Variants in CAPZB observed in about 807,000 individuals in gnomAD.
CAPZB encodes the protein F-actin-capping protein subunit beta.
Under a neutral mutation model 38.1 loss-of-function variants are expected in CAPZB, and 2 were observed. The observed-to-expected ratio is 0.05, with a 90% CI of 0.02 to 0.17. CAPZB has a LOEUF of 0.17. Among genes scored for constraint, CAPZB ranks in the 10% least tolerant of loss-of-function variants. The pLI, the probability that CAPZB is intolerant of heterozygous loss-of-function variation, is 1.00. For missense variants in CAPZB, 161 were observed against 334.2 expected (o/e 0.48, Z 4.04); for synonymous variants, 107 against 127.4 (o/e 0.84, Z 1.08).
chr1:19,415,553 T>C (rs990046494), intron 2 of CAPZB, among the ~76,000 whole-genome samples: 1 of 152,182 alleles, frequency 6.6e-6, no homozygotes, highest in Non-Finnish European at 1.5e-5. Context: ...ACACTGGCAG[T>C]GATGAAAATA....
rs1553268760 is a variant in CAPZB, at chr1:19,356,315, A to ACAGGGC, written c.588+319_588+320insGCCCTG. On this transcript the variant is annotated intron_variant, in intron 6 of 8. Transcript: ENST00000264202. This position sits in a 1 kb window ranked among gnomAD's most constrained non-coding sequence, Gnocchi z 4.3. ...GCTGGGCATGGCCACAGAGACGGCA[A>ACAGGGC]ACAGGGCCAAGCACCACTTCTCACA... Among the ~76,000 whole-genome samples, 7 of 151,434 alleles carry ACAGGGC rather than the reference A, an allele frequency of 4.6e-5. No individual in the cohort carries two copies. The East Asian group carries it at 1.4e-3, about 30-fold the overall frequency.
At chr1:19,368,168 C>A (rs1184029900) in intron 4 of CAPZB, among the ~76,000 whole-genome samples, 1 of 152,152 alleles carries the variant, frequency 6.6e-6, no homozygotes. Flanking sequence ...AAGCAGGGAT[C>A]TGGGAGTAGA....
chr1:19,353,716 A>G (rs562631040), intron 6 of CAPZB, among the ~76,000 whole-genome samples: 2 of 152,332 alleles, frequency 1.3e-5, no homozygotes, highest in African/African-American at 4.8e-5. Context: ...AGAAACCTCA[A>G]AGCCCTCCTG....
At chr1:19,423,516 C>CTTTTTT (rs11340496) in intron 1 of CAPZB, among the ~76,000 whole-genome samples, 3 of 113,264 alleles carry the variant, frequency 2.6e-5, no homozygotes, top group Non-Finnish European at 5.1e-5. Flanking sequence ...AGTGAACATT[C>CTTTTTT]TTTTTTTTTT....
At chr1:19,459,543 C>A (rs2100731999) in intron 1 of CAPZB, among the ~76,000 whole-genome samples, 1 of 152,252 alleles carries the variant, frequency 6.6e-6, no homozygotes, top group Admixed American at 6.5e-5. Flanking sequence ...AGAATTTCTT[C>A]ATCCAAAAAA....
intron 4 of CAPZB, among the ~76,000 whole-genome samples, chr1:19,377,839 A>G (rs1292397077): frequency 1.3e-5 from 2 of 152,242 alleles, no homozygotes; most frequent in Admixed American, 1.3e-4. Flanking sequence ...TAGACGGAGC[A>G]GGAAGAAATC....
At chr1:19,475,237 G>A (rs568104623) in intron 1 of CAPZB, among the ~76,000 whole-genome samples, 224 of 152,228 alleles carry the variant, frequency 1.5e-3, no homozygotes, top group African/African-American at 5.2e-3. Context: ...CCATTTCTTA[G>A]ACAAGGAGAT....
intron 3 of CAPZB, among the ~76,000 whole-genome samples, chr1:19,385,214 G>A (rs557617906): frequency 3.9e-5 from 6 of 152,236 alleles, no homozygotes; most frequent in African/African-American, 9.6e-5. Context: ...TCCCTCTCCC[G>A]TTAGACTGGA....
chr1:19,388,872 A>C (rs996898909), intron 2 of CAPZB, among the ~76,000 whole-genome samples: 33 of 152,308 alleles, frequency 2.2e-4, no homozygotes, highest in African/African-American at 7.7e-4. Flanking sequence ...GTACTAACCA[A>C]CCCCAGAAAA....
At chr1:19,467,737 G>A (rs189296403) in intron 1 of CAPZB, among the ~76,000 whole-genome samples, 5 of 152,282 alleles carry the variant, frequency 3.3e-5, no homozygotes, top group African/African-American at 1.2e-4. Flanking sequence ...AGGCCAGAGG[G>A]CCCCCGAAAG....
intron 1 of CAPZB, among the ~76,000 whole-genome samples, chr1:19,427,184 C>T (rs2094425998): frequency 6.6e-6 from 1 of 152,190 alleles, no homozygotes; most frequent in Admixed American, 6.5e-5. Flanking sequence ...AAGACAGGCA[C>T]AGGCAGTAAC....
At chr1:19,466,059 C>T (rs7515104) in intron 1 of CAPZB, among the ~76,000 whole-genome samples, 8,464 of 152,224 alleles carry the variant, frequency 0.056, 428 homozygotes, top group African/African-American at 0.14. Flanking sequence ...AGTCTGGCCC[C>T]AGGAGCCCAG....
At chr1:19,349,288 G>A (rs1201447941) in intron 6 of CAPZB, among the ~76,000 whole-genome samples, 1 of 152,074 alleles carries the variant, frequency 6.6e-6, no homozygotes, top group East Asian at 1.9e-4. Flanking sequence ...ACTGTGCCTA[G>A]GCTCAGGGCT....
chr1:19,405,933 C>A (rs988187259), intron 2 of CAPZB, among the ~76,000 whole-genome samples: 1 of 152,226 alleles, frequency 6.6e-6, no homozygotes, highest in African/African-American at 2.4e-5. Flanking sequence ...CTCTCCTGTA[C>A]ACAAAGCCTC....
At chr1:19,419,306 C>T (rs4912088) in intron 2 of CAPZB, among the ~76,000 whole-genome samples, 113,891 of 152,172 alleles carry the variant, frequency 0.75, 42,903 homozygotes, top group East Asian at 0.85. Context: ...CAGAGACTGA[C>T]AGCGTCTGGC....
In CAPZB at chr1:19,441,059, C is replaced by CAAAACAA. The variant is rs369823083; in HGVS notation, c.4-21316_4-21310dup. Among the ~76,000 whole-genome samples the CAAAACAA allele has an allele frequency of 1.3e-4, 19 of 151,954 alleles. 1 individual carries two copies. The highest frequency in any genetic ancestry group is 3.6e-4 in the African/African-American group (15 of 41,428). On this transcript the variant is annotated intron_variant, in intron 1 of 8. Transcript: ENST00000264202. ...TGGGCGACAGAGTGAGACTCCATCT[C>CAAAACAA]AAAACAAAAAACAAAAAACAAAAAA... is the stretch of plus-strand genomic sequence containing the variant.
intron 1 of CAPZB, among the ~76,000 whole-genome samples, chr1:19,468,277 C>T (rs897949265): frequency 3.3e-5 from 5 of 152,172 alleles, no homozygotes; most frequent in African/African-American, 9.7e-5. Flanking sequence ...AAACATACTG[C>T]TTTTATAACA....
intron 1 of CAPZB, among the ~76,000 whole-genome samples, chr1:19,440,463 C>G (rs2094472176): frequency 6.6e-6 from 1 of 152,198 alleles, no homozygotes; most frequent in South Asian, 2.1e-4. Context: ...ATCCAACCCT[C>G]ACAGCTCAGT....
intron 2 of CAPZB, among the ~76,000 whole-genome samples, chr1:19,390,617 G>A (rs974055600): frequency 2.0e-5 from 3 of 152,082 alleles, no homozygotes; most frequent in Non-Finnish European, 2.9e-5. Context: ...CAGGGAGCAG[G>A]AGCCACAAGT....
Sources: allele counts gnomAD v4.1 joint callset (sites outside exome capture counted in the v4.1 genomes callset), GRCh38; gene constraint gnomAD v4.1.1; non-coding constraint Gnocchi (gnomAD v3.1); transcripts MANE v1.5; gene names NCBI Gene and HGNC (gene_info 2026-07-23, HGNC 2026-07-21).